LARP4B: variants seen among roughly 807,000 people sequenced by gnomAD.
LARP4B encodes la-related protein 4B.
In LARP4B, 12 loss-of-function variants were observed where a neutral mutation model predicts 89.8. That is an observed-to-expected ratio of 0.13 (90% CI 0.09 to 0.22). LARP4B has a LOEUF of 0.22. LARP4B is among the 10% of genes least tolerant of loss of function. The probability of loss-of-function intolerance (pLI) is 1.00; values close to 1 mark genes in which losing one functional copy is unlikely to be tolerated. For missense variants in LARP4B, 757 were observed against 947.7 expected (o/e 0.80, Z 2.64); for synonymous variants, 367 against 363.3 (o/e 1.01, Z -0.12).
chr10:910,900 C>T lies in LARP4B; in HGVS notation c.-40+20528G>A, dbSNP rs2153729. Among the ~76,000 whole-genome samples the T allele has an allele frequency of 4.9e-3, 749 of 152,290 alleles. 7 individuals carry two copies. Among genetic ancestry groups the T allele is most frequent in the African/African-American group, 0.017 (690 of 41,548 alleles). On this transcript the variant is annotated intron_variant, in intron 1 of 17. Transcript: ENST00000316157. ...AGATGGGTGTGAGGGTCTGGTCCCC[C>T]GTACCCTGCTTGAGCACTCCCGTCC... is the stretch of plus-strand genomic sequence containing the variant.
Position 822,856 on chromosome 10 carries a change from C to T in LARP4B, c.1485-2011G>A, listed in dbSNP as rs926030808. ...CTCATGCCATTCAACCCAGCTGGGC[C>T]GTGCCCTGCCATGGCCGCCATGCAA... On this transcript the variant is annotated intron_variant, in intron 13 of 17. Coordinates refer to ENST00000316157, the MANE Select transcript of LARP4B (RefSeq NM_015155.3). This position sits in a 1 kb window ranked among gnomAD's most constrained non-coding sequence, Gnocchi z 4.6. 3.3e-5 allele frequency among the ~76,000 whole-genome samples: 5 copies of T among 152,218 alleles called. No homozygotes were observed. Among genetic ancestry groups the T allele is most frequent in the Non-Finnish European group, 4.4e-5 (3 of 68,038 alleles).
chr10:974,192 C>A, the LARP4B span, among the ~76,000 whole-genome samples: 1 of 148,104 alleles, frequency 6.8e-6, no homozygotes, highest in Non-Finnish European at 1.5e-5. Flanking sequence ...CCAGACAGCA[C>A]GGGGTAACCA....
In LARP4B at chr10:884,482, T is replaced by A; in HGVS notation, c.106A>T (p.Thr36Ser). The A allele has an allele frequency of 1.9e-6, 3 of 1,606,816 alleles. No individual in the cohort carries two copies. Among genetic ancestry groups the A allele is most frequent in the Non-Finnish European group, 2.6e-6 (3 of 1,173,516 alleles). Residue 36 changes from threonine (T) to serine (S), a missense_variant, in exon 3 of 18, where the codon ACT becomes TCT. Thr to Ser is a moderately conservative substitution (Grantham distance 58). Transcript: ENST00000316157. ...GGTGGGATGGAACTTGTCTGAGAAG[T>A]GGTTTGAGATATAGGACCATTCATC... Reference protein sequence around the residue: ...HLMNGPISQTTSQTSSIPPLS... With the variant: ...HLMNGPISQTSSQTSSIPPLS...
the LARP4B span, among the ~76,000 whole-genome samples, chr10:964,616 C>T: frequency 4.6e-5 from 7 of 152,120 alleles, no homozygotes; most frequent in African/African-American, 1.7e-4. Context: ...TCAGAGGCCA[C>T]GTCGATGTTA....
intron 8 of LARP4B, among the ~76,000 whole-genome samples, chr10:835,331 C>T (rs1280516465): frequency 3.3e-5 from 5 of 152,174 alleles, no homozygotes; most frequent in African/African-American, 1.2e-4. Context: ...CTAACCCACT[C>T]GGACTGAAAA....
intron 1 of LARP4B, among the ~76,000 whole-genome samples, chr10:890,136 A>G (rs1009406809): frequency 1.3e-5 from 2 of 152,352 alleles, no homozygotes; most frequent in Non-Finnish European, 2.9e-5. Context: ...AATACCTTTA[A>G]AAGTGTAACT....
chr10:911,353 AG>A (rs1367907036), intron 1 of LARP4B, among the ~76,000 whole-genome samples: 2 of 152,072 alleles, frequency 1.3e-5, no homozygotes, highest in Admixed American at 1.3e-4. Context: ...TTTTTTTGGA[AG>A]GAAAAAAAAA....
At chr10:849,518 A>C (rs1342983429) in intron 5 of LARP4B, among the ~76,000 whole-genome samples, 1 of 152,208 alleles carries the variant, frequency 6.6e-6, no homozygotes, top group African/African-American at 2.4e-5. Flanking sequence ...TAAATAAATA[A>C]AGGAGAAGAG....
intron 1 of LARP4B, among the ~76,000 whole-genome samples, chr10:914,209 G>C (rs936792014): frequency 6.6e-6 from 1 of 152,068 alleles, no homozygotes; most frequent in African/African-American, 2.4e-5. Flanking sequence ...CTGGAAATTC[G>C]AGTTACTAAG....
chr10:912,856 C>T (rs1836708342), intron 1 of LARP4B, among the ~76,000 whole-genome samples: 1 of 151,970 alleles, frequency 6.6e-6, no homozygotes. Flanking sequence ...GCAGTGAGAC[C>T]CCATCAAAAA....
the LARP4B span, among the ~76,000 whole-genome samples, chr10:970,519 A>T: frequency 6.6e-6 from 1 of 152,118 alleles, no homozygotes; most frequent in East Asian, 1.9e-4. Context: ...GCTTGTAAAT[A>T]TTTGCACAGC....
chr10:869,888 C>G (rs1470173044), intron 3 of LARP4B: 2 of 231,408 alleles, frequency 8.6e-6, no homozygotes, highest in Non-Finnish European at 1.4e-5. Context: ...AAAAGTGAGA[C>G]TCTGTCTCAA....
chr10:872,318 A>G (rs1435083406), intron 3 of LARP4B, among the ~76,000 whole-genome samples: 2 of 152,164 alleles, frequency 1.3e-5, no homozygotes, highest in Non-Finnish European at 2.9e-5. Flanking sequence ...CCAAGGCGAG[A>G]GTTCTTCCTG....
In LARP4B at chr10:813,054, G is replaced by A; in HGVS notation, c.2089C>T (p.Pro697Ser). 1 of 1,613,964 alleles carries A rather than the reference G, an allele frequency of 6.2e-7. No individual in the cohort carries two copies. Among genetic ancestry groups the A allele is most frequent in the Non-Finnish European group, 8.5e-7 (1 of 1,180,028 alleles). Reference protein sequence around the residue: ...AEPAERYREPPALKSTPGAPR... With the variant: ...AEPAERYREPSALKSTPGAPR... ...GCTCCAGGTGTGGACTTGAGGGCTG[G>A]GGGCTCCCGGTATCTCTCTGCGGGC... Residue 697 changes from proline (P) to serine (S), a missense_variant, in exon 18 of 18, where the codon CCA becomes TCA. Pro to Ser is a moderately conservative substitution (Grantham distance 74). Around this residue, in one of 5 missense-constraint regions of LARP4B, gnomAD observed 387 missense variants for 423.6 expected, o/e 0.91. Transcript: ENST00000316157.
chr10:935,026 A>G (rs1356832765), upstream of LARP4B, among the ~76,000 whole-genome samples: 2 of 152,238 alleles, frequency 1.3e-5, no homozygotes, highest in Non-Finnish European at 2.9e-5. Flanking sequence ...TCCTGTGGAA[A>G]GAAGACCCTT....
At chr10:924,696 A>G (rs1837087640) in intron 1 of LARP4B, among the ~76,000 whole-genome samples, 1 of 152,098 alleles carries the variant, frequency 6.6e-6, no homozygotes, top group Non-Finnish European at 1.5e-5. Flanking sequence ...CTCCACCACC[A>G]TCCCTCCAAC....
intron 3 of LARP4B, among the ~76,000 whole-genome samples, chr10:868,703 T>C (rs761413029): frequency 5.9e-5 from 9 of 152,250 alleles, no homozygotes; most frequent in Admixed American, 1.3e-4. Context: ...CTAATGAATT[T>C]GAACATAACT....
rs1277756069 is a variant in LARP4B, at chr10:812,792, A to G, written c.*134T>C. ...AGGGGGAGAATCCAACTCACAGAAG[A>G]AAACCAACTTGAGGATCCCACAGGC... On this transcript the variant is annotated 3_prime_UTR_variant, in exon 18 of 18. Transcript: ENST00000316157. The G allele has an allele frequency of 1.3e-6, 1 of 754,958 alleles. No homozygotes were observed. Among genetic ancestry groups the G allele is most frequent in the East Asian group, 3.0e-5 (1 of 32,792 alleles). 46.8% of individuals were successfully genotyped at this position (754,958 alleles called of 1,614,324 possible). A position where few individuals can be genotyped will look rare whatever the true frequency, so the allele number is the denominator to read the frequency against.
chr10:826,163 G>A (rs1180311900), intron 11 of LARP4B, among the ~76,000 whole-genome samples: 3 of 152,214 alleles, frequency 2.0e-5, no homozygotes, highest in African/African-American at 7.2e-5. Context: ...GCTCCAACAA[G>A]TGTTGTAACC....
Sources: gnomAD v4.1 joint callset for allele counts (sites outside exome capture counted in the v4.1 genomes callset) on GRCh38, gnomAD v4.1.1 for gene constraint, gnomAD v4.1.1 regional missense constraint, Gnocchi (gnomAD v3.1) non-coding constraint, MANE v1.5 for transcripts, NCBI Gene and HGNC (gene_info 2026-07-23, HGNC 2026-07-21) for gene names.